Variants in DSCAM observed in about 807,000 individuals in gnomAD.
DSCAM encodes the protein DS cell adhesion molecule.
In DSCAM, 47 loss-of-function variants were observed where a neutral mutation model predicts 217.7. The ratio of observed to expected loss-of-function variants is 0.22; its 90% CI spans 0.17 to 0.28. The LOEUF is 0.28. DSCAM is among the 10% of genes least tolerant of loss of function. The pLI is 1.00. For missense variants in DSCAM, 2,080 were observed against 2,618.3 expected, an observed-to-expected ratio of 0.79 and a Z score of 4.49; for synonymous variants, 1,056 against 1,015.3, an observed-to-expected ratio of 1.04 and a Z score of -0.76.
At chr21:40,190,294 A>G (rs1322244389) in intron 11 of DSCAM, among the ~76,000 whole-genome samples, 1 of 152,166 alleles carries the variant, frequency 6.6e-6, no homozygotes, top group African/African-American at 2.4e-5. Flanking sequence ...GCATATGACA[A>G]ACACCTTTTA....
At chr21:40,451,437 C>G (rs1458723152) in intron 3 of DSCAM, among the ~76,000 whole-genome samples, 1 of 152,108 alleles carries the variant, frequency 6.6e-6, no homozygotes, top group African/African-American at 2.4e-5. Flanking sequence ...ATTTCCACAT[C>G]AAACACATGA....
intron 15 of DSCAM, among the ~76,000 whole-genome samples, chr21:40,171,818 T>G (rs888462548): frequency 6.6e-6 from 1 of 152,206 alleles, no homozygotes; most frequent in African/African-American, 2.4e-5. Context: ...AATTTTTTCA[T>G]AGGTTATCAT....
intron 3 of DSCAM, among the ~76,000 whole-genome samples, chr21:40,644,310 T>C (rs1360331658): frequency 6.6e-6 from 1 of 152,162 alleles, no homozygotes; most frequent in Non-Finnish European, 1.5e-5. Flanking sequence ...AGTCAAGTGG[T>C]TTATCTGTAG....
intron 2 of DSCAM, among the ~76,000 whole-genome samples, chr21:40,704,555 T>A (rs965273446): frequency 4.7e-4 from 63 of 134,532 alleles, no homozygotes; most frequent in Non-Finnish European, 7.1e-4. Flanking sequence ...CTCTACAAAA[T>A]TTTTTTTTTT....
chr21:40,352,232 T>A (rs775269210), intron 5 of DSCAM, among the ~76,000 whole-genome samples: 1 of 152,152 alleles, frequency 6.6e-6, no homozygotes, highest in Non-Finnish European at 1.5e-5. Context: ...TCCTAAGATA[T>A]AAACTTTATT....
chr21:40,228,873 G>GA (rs370375864), intron 11 of DSCAM, among the ~76,000 whole-genome samples: 17 of 150,050 alleles, frequency 1.1e-4, no homozygotes, highest in South Asian at 1.1e-3. Context: ...TTAGCTGACA[G>GA]AAAAAAAAAT....
chr21:40,447,111 G>T (rs1239232133), intron 3 of DSCAM, among the ~76,000 whole-genome samples: 1 of 152,180 alleles, frequency 6.6e-6, no homozygotes, highest in African/African-American at 2.4e-5. Context: ...CAGCACAGGG[G>T]TCACTGTAGG....
intron 20 of DSCAM, among the ~76,000 whole-genome samples, chr21:40,116,163 G>A (rs2089968017): frequency 6.6e-6 from 1 of 152,140 alleles, no homozygotes; most frequent in Non-Finnish European, 1.5e-5. Context: ...ACACCTTTCA[G>A]AGGGTGGAGG....
At chr21:40,579,206 A>G (rs1041428601) in intron 3 of DSCAM, among the ~76,000 whole-genome samples, 5 of 152,162 alleles carry the variant, frequency 3.3e-5, no homozygotes, top group African/African-American at 1.2e-4. Context: ...TGAAAGCAAC[A>G]ATACATATGA....
intron 20 of DSCAM, among the ~76,000 whole-genome samples, chr21:40,103,963 G>A (rs1255332882): frequency 6.6e-6 from 1 of 151,834 alleles, no homozygotes; most frequent in African/African-American, 2.4e-5. Flanking sequence ...TTGCTATAAT[G>A]TTTTGCAACT....
At chr21:40,210,002 G>A (rs1447753568) in intron 11 of DSCAM, among the ~76,000 whole-genome samples, 1 of 152,160 alleles carries the variant, frequency 6.6e-6, no homozygotes, top group Non-Finnish European at 1.5e-5. Flanking sequence ...TAATCTTGCT[G>A]CAACCTATGT....
At chr21:40,769,995 C>T (rs1240189453) in intron 1 of DSCAM, among the ~76,000 whole-genome samples, 2 of 152,208 alleles carry the variant, frequency 1.3e-5, no homozygotes, top group East Asian at 1.9e-4. Flanking sequence ...CTCTCGCCCA[C>T]TTCAAAATGC....
At chr21:40,817,890 A>T (rs1395889016) in intron 1 of DSCAM, among the ~76,000 whole-genome samples, 2 of 150,732 alleles carry the variant, frequency 1.3e-5, no homozygotes, top group African/African-American at 4.9e-5. Context: ...AGGTCAGGAG[A>T]TCGAGACCAT....
intron 20 of DSCAM, among the ~76,000 whole-genome samples, 174 bp from the exon 21 acceptor site, chr21:40,094,048 C>T (rs1051268660): frequency 3.3e-5 from 5 of 152,176 alleles, no homozygotes; most frequent in Admixed American, 2.6e-4. Flanking sequence ...AAGTGACCCA[C>T]CATCTACATT....
chr21:40,174,943 G>C (rs564312683), intron 15 of DSCAM, among the ~76,000 whole-genome samples: 2 of 152,258 alleles, frequency 1.3e-5, no homozygotes, highest in African/African-American at 4.8e-5. Flanking sequence ...GGTCACTGGA[G>C]CTCTGATGGG....
At chr21:40,260,160 G>A (rs2073430914) in intron 11 of DSCAM, among the ~76,000 whole-genome samples, 1 of 152,284 alleles carries the variant, frequency 6.6e-6, no homozygotes, top group South Asian at 2.1e-4. Context: ...TTCTGCTCAA[G>A]CATCTTTGGA....
chr21:40,764,111 A>C lies in DSCAM; in HGVS notation c.44-55340T>G, dbSNP rs112447545. On this transcript the variant is annotated intron_variant, in intron 1 of 32. Coordinates refer to ENST00000400454, the MANE Select transcript of DSCAM (RefSeq NM_001389.5). ...TTGACAAATGGAATCTAATTAACTA[A>C]AGAGCTTCAGCTCAGCAAAAGAAAC... Among the ~76,000 whole-genome samples the C allele has an allele frequency of 1.7e-3, 255 of 152,332 alleles. 1 individual carries two copies. Among genetic ancestry groups the C allele is most frequent in the African/African-American group, 5.9e-3 (245 of 41,580 alleles).
chr21:40,100,498 T>C (rs2089736100), intron 20 of DSCAM, among the ~76,000 whole-genome samples: 1 of 152,232 alleles, frequency 6.6e-6, no homozygotes, highest in African/African-American at 2.4e-5. Context: ...GTAAACTGAC[T>C]TGCTAATTTC....
intron 1 of DSCAM, among the ~76,000 whole-genome samples, chr21:40,772,814 C>A (rs969955798): frequency 6.6e-6 from 1 of 152,248 alleles, no homozygotes; most frequent in African/African-American, 2.4e-5. Flanking sequence ...TGGACCAGGG[C>A]CCGTAACAAA....
Sources: allele counts gnomAD v4.1 joint callset (sites outside exome capture counted in the v4.1 genomes callset), GRCh38; gene constraint gnomAD v4.1.1; transcripts MANE v1.5; gene names NCBI Gene and HGNC (gene_info 2026-07-23, HGNC 2026-07-21).